ACTL8: variants seen among roughly 807,000 people sequenced by gnomAD.
ACTL8 encodes actin like 8.
ACTL8 carries 3 observed loss-of-function variants against 9.3 expected under a neutral mutation model. The ratio of observed to expected loss-of-function variants is 0.32; its 90% CI spans 0.15 to 0.83. The LOEUF is 0.83. Ranked by LOEUF, ACTL8 falls within the 40% of genes least tolerant of loss-of-function variation. ACTL8 has a pLI of 0.57. For missense variants in ACTL8, 381 were observed against 492.2 expected, an observed-to-expected ratio of 0.77 and a Z score of 2.14; for synonymous variants, 224 against 205.9, an observed-to-expected ratio of 1.09 and a Z score of -0.75.
intron 1 of ACTL8, among the ~76,000 whole-genome samples, chr1:17,769,559 A>T (rs867977545): frequency 6.6e-6 from 1 of 152,166 alleles, no homozygotes; most frequent in African/African-American, 2.4e-5. Flanking sequence ...TCTTCTCTGT[A>T]AGCCTCAGTT....
chr1:17,790,765 GGTGCCAAGGGGCACCTGCAGGCCA>G (rs1215468984), intron 1 of ACTL8, among the ~76,000 whole-genome samples: 3 of 152,188 alleles, frequency 2.0e-5, no homozygotes, highest in African/African-American at 7.2e-5. Flanking sequence ...CCAGGCTGTA[GGTGCCAAGGGGCACCTGCAGGCCA>G]GTGCCAAGTT....
rs185669820 is a variant in ACTL8, at chr1:17,770,118, A to G, written c.-25+14614A>G. On this transcript the variant is annotated intron_variant, in intron 1 of 2. Coordinates refer to ENST00000375406, the MANE Select transcript of ACTL8 (RefSeq NM_030812.3). ...GAGCTCAGAGTTAATAATGGGGTAG[A>G]AGCCTCTTTGAGAAACTTTAATCAG... Among the ~76,000 whole-genome samples, 10 of 152,366 alleles carry G rather than the reference A, an allele frequency of 6.6e-5. No individual in the cohort carries two copies. In the East Asian group the frequency reaches 1.9e-3, roughly 29 times the overall value.
chr1:17,806,713 G>A (rs544753673), intron 1 of ACTL8, among the ~76,000 whole-genome samples: 1 of 152,362 alleles, frequency 6.6e-6, no homozygotes, highest in South Asian at 2.1e-4. Context: ...AGCAAGGGAG[G>A]GTTTTGGGAT....
chr1:17,821,915 C>T (rs927097943), intron 1 of ACTL8, among the ~76,000 whole-genome samples: 5 of 152,176 alleles, frequency 3.3e-5, no homozygotes, highest in Non-Finnish European at 7.3e-5. Flanking sequence ...CGTGAACCAC[C>T]GTGCCTGGCC....
chr1:17,825,128 C>T (rs1407542970), intron 2 of ACTL8, among the ~76,000 whole-genome samples: 2 of 152,016 alleles, frequency 1.3e-5, no homozygotes, highest in African/African-American at 4.8e-5. Flanking sequence ...GGGAGAAAAC[C>T]AGCCCAGGGA....
intron 1 of ACTL8, among the ~76,000 whole-genome samples, chr1:17,766,903 C>T (rs1002758591): frequency 6.6e-6 from 1 of 152,184 alleles, no homozygotes; most frequent in East Asian, 1.9e-4. Context: ...TATGTACTGA[C>T]CATTGTTCTA....
chr1:17,825,688 G>C, intron 2 of ACTL8, 79 bp from the exon 3 acceptor site: 2 of 1,528,626 alleles, frequency 1.3e-6, no homozygotes, highest in Non-Finnish European at 8.8e-7. Flanking sequence ...CCCCGAGGAT[G>C]GGGCTCTGTG....
At chr1:17,800,941 G>T (rs1005745542) in intron 1 of ACTL8, among the ~76,000 whole-genome samples, 1 of 152,054 alleles carries the variant, frequency 6.6e-6, no homozygotes, top group African/African-American at 2.4e-5. Context: ...CCCAGCTAAG[G>T]GCGGCATTTG....
At chr1:17,822,920 A>AG in intron 1 of ACTL8, 65 bp from the exon 2 acceptor site, 1 of 1,099,810 alleles carries the variant, frequency 9.1e-7, no homozygotes. Context: ...TGTTGGGTAG[A>AG]GGGGGAAGCT....
intron 1 of ACTL8, among the ~76,000 whole-genome samples, chr1:17,775,673 T>G (rs994737071): frequency 4.6e-5 from 7 of 152,156 alleles, no homozygotes; most frequent in Non-Finnish European, 1.0e-4. Flanking sequence ...CTCAGCAGAG[T>G]TAAAGATATT....
At chr1:17,790,023 G>A (rs996465938) in intron 1 of ACTL8, among the ~76,000 whole-genome samples, 4 of 152,238 alleles carry the variant, frequency 2.6e-5, no homozygotes, top group Admixed American at 6.5e-5. Flanking sequence ...GTGAGCAAGC[G>A]TGGTGTGTGG....
chr1:17,803,840 G>GA (rs1417834942), intron 1 of ACTL8, among the ~76,000 whole-genome samples: 4 of 152,226 alleles, frequency 2.6e-5, no homozygotes, highest in Non-Finnish European at 4.4e-5. Flanking sequence ...GAGCCAGCAA[G>GA]ACTTGGTTCA....
At chr1:17,804,074 A>G (rs2066341449) in intron 1 of ACTL8, among the ~76,000 whole-genome samples, 1 of 152,240 alleles carries the variant, frequency 6.6e-6, no homozygotes, top group African/African-American at 2.4e-5. Flanking sequence ...CAACGAATTT[A>G]AAGCCCCAAA....
chr1:17,819,130 G>A (rs1043262115), intron 1 of ACTL8, among the ~76,000 whole-genome samples: 35 of 152,150 alleles, frequency 2.3e-4, no homozygotes, highest in African/African-American at 7.5e-4. Context: ...CTTGCCATGC[G>A]CACCTTGTTT....
chr1:17,813,366 GA>G (rs2066406080), intron 1 of ACTL8, among the ~76,000 whole-genome samples: 1 of 152,096 alleles, frequency 6.6e-6, no homozygotes, highest in South Asian at 2.1e-4. Flanking sequence ...TCTATCCATT[GA>G]TTTTTTTTGC....
chr1:17,793,559 C>A lies in ACTL8; in HGVS notation c.-24-29426C>A, dbSNP rs1479977294. On this transcript the variant is annotated intron_variant, in intron 1 of 2. Coordinates refer to ENST00000375406, the MANE Select transcript of ACTL8 (RefSeq NM_030812.3). ...AATATAATCTGATTCATTTTAGAACCTGGGACCTCACATCTCATCTAAAGC... is the reference window on the plus strand; with the variant it reads ...AATATAATCTGATTCATTTTAGAACATGGGACCTCACATCTCATCTAAAGC... Among the ~76,000 whole-genome samples the A allele has an allele frequency of 2.0e-5, 3 of 152,172 alleles. No individual in the cohort carries two copies. The East Asian group carries it at 5.8e-4, about 29-fold the overall frequency.
chr1:17,795,627 A>G (rs2066271309), intron 1 of ACTL8, among the ~76,000 whole-genome samples: 1 of 152,220 alleles, frequency 6.6e-6, no homozygotes, highest in Non-Finnish European at 1.5e-5. Flanking sequence ...AAGCTGGGAT[A>G]ACAGATTCCC....
At chr1:17,786,549 T>C (rs188547188) in intron 1 of ACTL8, among the ~76,000 whole-genome samples, 24 of 152,294 alleles carry the variant, frequency 1.6e-4, no homozygotes, top group African/African-American at 5.8e-4. Context: ...CTGTTTGTTT[T>C]TTGTGTCTAA....
Position 17,814,206 on chromosome 1 carries a change from A to G in ACTL8, c.-24-8779A>G, listed in dbSNP as rs112824552. ...ACCTTTTCTATGTTAAGATACACCA[A>G]TACTTACTGGCTGGATATGGTGGCT... On this transcript the variant is annotated intron_variant, in intron 1 of 2. Coordinates refer to ENST00000375406, the MANE Select transcript of ACTL8 (RefSeq NM_030812.3). Among the ~76,000 whole-genome samples, 11 of 152,362 alleles carry G rather than the reference A, an allele frequency of 7.2e-5. 1 individual carries two copies. The highest frequency in any genetic ancestry group is 2.1e-4 in the South Asian group (1 of 4,826).
Sources: allele counts gnomAD v4.1 joint callset (sites outside exome capture counted in the v4.1 genomes callset), GRCh38; gene constraint gnomAD v4.1.1; transcripts MANE v1.5; gene names NCBI Gene and HGNC (gene_info 2026-07-23, HGNC 2026-07-21).